Variants in NRG1 observed in about 807,000 individuals in gnomAD.
NRG1 encodes the protein pro-neuregulin-1, membrane-bound isoform.
NRG1 carries 18 observed loss-of-function variants against 63.8 expected under a neutral mutation model. The ratio of observed to expected loss-of-function variants is 0.28; its 90% CI spans 0.19 to 0.42. The LOEUF is 0.42. Ranked by LOEUF, NRG1 falls within the 10% of genes least tolerant of loss-of-function variation. The pLI is 1.00. For missense variants in NRG1, 762 were observed against 814.7 expected (o/e 0.94, Z 0.79); for synonymous variants, 302 against 301.3 (o/e 1.00, Z -0.02).
At chr8:31,897,218 A>G (rs1831643144) in intron 1 of NRG1, among the ~76,000 whole-genome samples, 1 of 152,146 alleles carries the variant, frequency 6.6e-6, no homozygotes, top group South Asian at 2.1e-4. Context: ...AGTTCAGGCC[A>G]TGATAGGATG....
chr8:32,143,162 T>G (rs565448709), intron 1 of NRG1, among the ~76,000 whole-genome samples: 1 of 152,154 alleles, frequency 6.6e-6, no homozygotes, highest in Non-Finnish European at 1.5e-5. Context: ...TCCATGTGAC[T>G]TGCCTGCTAC....
chr8:31,658,028 A>C (rs1293878682), intron 1 of NRG1, among the ~76,000 whole-genome samples: 1 of 152,194 alleles, frequency 6.6e-6, no homozygotes, highest in Non-Finnish European at 1.5e-5. Context: ...TAGGTAGATG[A>C]GTGGGGAGGA....
intron 1 of NRG1, among the ~76,000 whole-genome samples, chr8:31,773,665 T>C (rs938953176): frequency 9.9e-5 from 15 of 152,222 alleles, no homozygotes; most frequent in African/African-American, 3.6e-4. Context: ...TAGAAGTGCA[T>C]GCTTTTACTT....
chr8:32,294,736 T>C (rs908421084), intron 1 of NRG1, among the ~76,000 whole-genome samples: 1 of 152,232 alleles, frequency 6.6e-6, no homozygotes, highest in Non-Finnish European at 1.5e-5. Flanking sequence ...GGCAGACTTG[T>C]ATCATTTACG....
chr8:32,172,571 G>A (rs541228374), intron 1 of NRG1, among the ~76,000 whole-genome samples: 2 of 152,204 alleles, frequency 1.3e-5, no homozygotes, highest in Admixed American at 1.3e-4. Flanking sequence ...TGAACCCATG[G>A]CAAAGAAGTT....
chr8:31,924,375 A>G (rs569746992), intron 1 of NRG1, among the ~76,000 whole-genome samples: 1 of 151,736 alleles, frequency 6.6e-6, no homozygotes, highest in Non-Finnish European at 1.5e-5. Context: ...TTGCTTATCC[A>G]TTTTATTCAA....
chr8:32,163,208 G>A (rs758260527), intron 1 of NRG1, among the ~76,000 whole-genome samples: 3 of 152,190 alleles, frequency 2.0e-5, no homozygotes, highest in Non-Finnish European at 4.4e-5. Context: ...GACCCATGTG[G>A]CAGGAACTTG....
In NRG1 at chr8:32,103,417, C is replaced by A. The variant is rs567972194; in HGVS notation, c.37+463986C>A. Among the ~76,000 whole-genome samples, 7 of 152,316 alleles carry A rather than the reference C, an allele frequency of 4.6e-5. No homozygotes were observed. The East Asian group carries it at 1.3e-3, about 29-fold the overall frequency. The stretch of plus-strand genomic sequence containing the variant: ...CCATTGTTTATATGTACCACAATTT[C>A]TTTGTCCATTCATGTGTTGATGGAT... On this transcript the variant is annotated intron_variant, in intron 1 of 10. Transcript: ENST00000519301.
exon 10 of NRG1, chr8:32,759,416 C>T: frequency 6.2e-7 from 1 of 1,613,636 alleles, no homozygotes; most frequent in Non-Finnish European, 8.5e-7. Flanking sequence ...CCACTACTGT[C>T]ACCCAGACTC....
chr8:31,788,238 T>C (rs1015174501), intron 1 of NRG1, among the ~76,000 whole-genome samples: 4 of 152,254 alleles, frequency 2.6e-5, no homozygotes, highest in African/African-American at 9.6e-5. Context: ...GAGAGCTCTG[T>C]TAACATTTTG....
At chr8:31,687,190 G>C (rs1808988286) in intron 1 of NRG1, among the ~76,000 whole-genome samples, 1 of 152,120 alleles carries the variant, frequency 6.6e-6, no homozygotes, top group South Asian at 2.1e-4. Context: ...AGTAGAAAGA[G>C]AAGCGACAGC....
intron 1 of NRG1, among the ~76,000 whole-genome samples, chr8:31,914,239 C>A (rs1399901317): frequency 6.6e-6 from 1 of 151,712 alleles, no homozygotes; most frequent in Non-Finnish European, 1.5e-5. Flanking sequence ...AGATATAATT[C>A]ATTTTGCCTT....
intron 1 of NRG1, among the ~76,000 whole-genome samples, chr8:32,176,314 T>C (rs1460720555): frequency 6.6e-6 from 1 of 152,160 alleles, no homozygotes; most frequent in African/African-American, 2.4e-5. Context: ...TTATACCTTA[T>C]ACAAAAATTA....
chr8:32,285,100 C>T (rs901751638), intron 1 of NRG1, among the ~76,000 whole-genome samples: 1 of 152,154 alleles, frequency 6.6e-6, no homozygotes, highest in African/African-American at 2.4e-5. Context: ...TTGATCTTTC[C>T]TCACTCTCCG....
chr8:32,443,943 A>AG (rs1819896270), intron 1 of NRG1, among the ~76,000 whole-genome samples: 1 of 152,112 alleles, frequency 6.6e-6, no homozygotes, highest in Non-Finnish European at 1.5e-5. Flanking sequence ...ATGCTTTGAT[A>AG]GTGTCTGAAG....
intron 1 of NRG1, among the ~76,000 whole-genome samples, chr8:31,863,955 C>G (rs1375316441): frequency 1.3e-5 from 2 of 152,158 alleles, no homozygotes; most frequent in African/African-American, 4.8e-5. Flanking sequence ...AGATCTTCAA[C>G]TTGTATAGTT....
At chr8:31,992,630 T>G (rs1052008714) in intron 1 of NRG1, among the ~76,000 whole-genome samples, 2 of 152,060 alleles carry the variant, frequency 1.3e-5, no homozygotes, top group African/African-American at 4.8e-5. Flanking sequence ...TCTGAAAAAC[T>G]TTCTAATCAT....
At chr8:32,111,149 C>G (rs568730732) in intron 1 of NRG1, among the ~76,000 whole-genome samples, 1 of 152,220 alleles carries the variant, frequency 6.6e-6, no homozygotes, top group Non-Finnish European at 1.5e-5. Flanking sequence ...CAGAGTCTCA[C>G]TCTGTCACCC....
chr8:31,775,299 G>T (rs1819011531), intron 1 of NRG1, among the ~76,000 whole-genome samples: 1 of 152,084 alleles, frequency 6.6e-6, no homozygotes, highest in Non-Finnish European at 1.5e-5. Context: ...GCATCAACAG[G>T]TATGAACCTG....
Sources: allele counts gnomAD v4.1 joint callset (sites outside exome capture counted in the v4.1 genomes callset), GRCh38; gene constraint gnomAD v4.1.1; transcripts MANE v1.5; gene names NCBI Gene and HGNC (gene_info 2026-07-23, HGNC 2026-07-21).